Variants in STXBP2 observed in about 807,000 individuals in gnomAD.
The protein encoded by STXBP2 is syntaxin binding protein 2.
Under a neutral mutation model 72.2 loss-of-function variants are expected in STXBP2, and 47 were observed. That is an observed-to-expected ratio of 0.65 (90% CI 0.51 to 0.83). The LOEUF is 0.83. STXBP2 is among the 40% of genes least tolerant of loss of function. The pLI, the probability that STXBP2 is intolerant of heterozygous loss-of-function variation, is 0.00. For missense variants in STXBP2, 702 were observed against 807.6 expected, an observed-to-expected ratio of 0.87 and a Z score of 1.58; for synonymous variants, 367 against 338.7, an observed-to-expected ratio of 1.08 and a Z score of -0.92.
rs3786614 is a variant in STXBP2, at chr19:7,645,968, T to C, written c.1357-281T>C. ...TCTCTTGTCTCTCTCTTTGCCTTCA[T>C]ACTTTGTCTCACTGCTTCTTATCTC... On this transcript the variant is annotated intron_variant, in intron 15 of 18. Coordinates refer to ENST00000221283, the MANE Select transcript of STXBP2 (RefSeq NM_006949.4). 0.074 allele frequency: 40,461 copies of C among 544,870 alleles called. 5,584 individuals carry two copies. The highest frequency in any genetic ancestry group is 0.49 in the East Asian group (15,452 of 31,778). 33.8% of individuals were successfully genotyped at this position (544,870 alleles called of 1,614,324 possible).
intron 4 of STXBP2, chr19:7,640,349 T>C (rs2031790119): frequency 1.5e-5 from 8 of 538,620 alleles, no homozygotes; most frequent in African/African-American, 2.9e-5. Flanking sequence ...TGTGTATGCG[T>C]CTGTGCATGT....
the STXBP2 span, chr19:7,630,624 G>A: frequency 1.3e-6 from 2 of 1,537,206 alleles, no homozygotes; most frequent in Non-Finnish European, 1.7e-6. Context: ...TTCCAATCAG[G>A]CCGAGTGGTT....
intron 4 of STXBP2, chr19:7,640,054 GTGTA>G (rs1446322120): frequency 3.0e-5 from 19 of 640,492 alleles, no homozygotes; most frequent in Non-Finnish European, 4.0e-5. Flanking sequence ...GTGCATTTGT[GTGTA>G]TGTGTGTATG....
At chr19:7,646,122 G>T (rs116682189) in intron 15 of STXBP2, 127 bp from the exon 16 acceptor site, 6 of 714,068 alleles carry the variant, frequency 8.4e-6, no homozygotes, top group South Asian at 8.3e-5. Context: ...GCTCTCTCTC[G>T]CTCTCTGTTC....
chr19:7,631,352 C>G, the STXBP2 span: 2 of 1,369,760 alleles, frequency 1.5e-6, no homozygotes, highest in Admixed American at 3.1e-5. Context: ...AGTGAAGACA[C>G]TGAACCCTGA....
chr19:7,634,366 A>C (rs990599054), upstream of STXBP2, among the ~76,000 whole-genome samples: 1 of 152,166 alleles, frequency 6.6e-6, no homozygotes, highest in Admixed American at 6.5e-5. Context: ...AATGGGCTGC[A>C]CTATCACCAC....
At chr19:7,630,495 G>A in the STXBP2 span, 1 of 1,194,328 alleles carries the variant, frequency 8.4e-7, no homozygotes, top group East Asian at 2.5e-5. Flanking sequence ...TCTGCAGTAG[G>A]ATGGGTCCCC....
chr19:7,643,845 T>TGG (rs2032005363), intron 13 of STXBP2, among the ~76,000 whole-genome samples: 4 of 119,358 alleles, frequency 3.4e-5, no homozygotes, highest in African/African-American at 6.6e-5. Flanking sequence ...GGTGGAGCCT[T>TGG]AAGAGAGGTG....
rs748808124 is a variant in STXBP2 at position 7,640,934 on chromosome 19, C to G, written c.360C>G (p.Arg120=). Residue 120 remains arginine (R), a synonymous_variant, in exon 6 of 19, where the codon CGC becomes CGG. Coordinates refer to ENST00000221283, the MANE Select transcript of STXBP2 (RefSeq NM_006949.4). ...CPEPLFSELG[R]SRLAKVVKTL... ...AGCCCCTGTTCAGTGAGCTAGGCCG[C>G]TCTCGTCTGGCAAAGGTGGTGAAGA... 1.2e-6 allele frequency: 2 copies of G among 1,614,232 alleles called. No homozygotes were observed. Among genetic ancestry groups the G allele is most frequent in the Non-Finnish European group, 1.7e-6 (2 of 1,180,030 alleles).
upstream of STXBP2, among the ~76,000 whole-genome samples, chr19:7,635,145 T>TC (rs937006305): frequency 6.6e-6 from 1 of 152,152 alleles, no homozygotes; most frequent in South Asian, 2.1e-4. Context: ...CAGCTCTCTG[T>TC]CCCCCCAAGG....
the STXBP2 span, chr19:7,631,399 C>CGGGGGGGGGGGGTGGGGGGGGG: frequency 1.7e-6 from 1 of 583,160 alleles, no homozygotes; most frequent in Non-Finnish European, 2.4e-6. Flanking sequence ...GAGAGGTGGG[C>CGGGGGGGGGGGGTGGGGGGGGG]GGGGGGGGGT....
chr19:7,640,831 T>C, intron 5 of STXBP2, 22 bp downstream of exon 5: 1 of 1,613,760 alleles, frequency 6.2e-7, no homozygotes, highest in Non-Finnish European at 8.5e-7. Context: ...GAGCCTAGGG[T>C]GTTGGTGGGT....
rs752730714 is a variant in STXBP2 at position 7,643,200 on chromosome 19, G to A, written c.1062G>A (p.Met354Ile). The A allele has an allele frequency of 1.2e-6, 2 of 1,614,108 alleles. No homozygotes were observed. The highest frequency in any genetic ancestry group is 2.2e-5 in the East Asian group (1 of 44,880). The change falls in exon 13 of 19, where the codon ATG becomes ATA. Residue 354 changes from methionine to isoleucine, a missense_variant. By Grantham distance (10) the Met-to-Ile change is conservative (BLOSUM62 1). Transcript: ENST00000221283. ...STHLHLADDC[M>I]KHFKGSVEKL... ...ACCTGCATCTAGCAGATGATTGTATGAAGCACTTCAAGGGCTCGGTGGAGA... is the reference window on the plus strand; with the variant it reads ...ACCTGCATCTAGCAGATGATTGTATAAAGCACTTCAAGGGCTCGGTGGAGA...
rs747556765 is a variant in STXBP2, at chr19:7,638,767, GA to G, written c.80del (p.Glu27GlyfsTer51). On this transcript the variant is annotated frameshift_variant, in exon 2 of 19. Coordinates refer to ENST00000221283, the MANE Select transcript of STXBP2 (RefSeq NM_006949.4). LOFTEE classifies it high-confidence loss of function. ...GVIRSVKKDG[E>X]WKVLIMDHPS... ...TATTCGGAGTGTCAAGAAGGATGGG[GA>G]GTGGAAGGTAGGGGTGAGGCAGATG... The G allele has an allele frequency of 3.2e-5, 51 of 1,614,190 alleles. No homozygotes were observed. Among genetic ancestry groups the G allele is most frequent in the Non-Finnish European group, 4.2e-5 (50 of 1,180,036 alleles).
rs1366015982 is a variant in STXBP2, at chr19:7,642,392, G to A, written c.795-37G>A. 6.2e-7 allele frequency: 1 copy of A among 1,613,570 alleles called. No homozygotes were observed. The highest frequency in any genetic ancestry group is 1.3e-5 in the African/African-American group (1 of 75,040). On this transcript the variant is annotated intron_variant, in intron 9 of 18. Transcript: ENST00000221283. This position sits in a 1 kb window ranked among gnomAD's most constrained non-coding sequence, Gnocchi z 6.0. Reference sequence around the variant, plus strand: ...CACTGACCTGGTTCCCCAGTCCTCAGCTCCCCTGACCCCCAGGCTCCCTCC... The same window carrying A: ...CACTGACCTGGTTCCCCAGTCCTCAACTCCCCTGACCCCCAGGCTCCCTCC...
chr19:7,645,797 C>G (rs1195060926), intron 15 of STXBP2, among the ~76,000 whole-genome samples: 1 of 151,580 alleles, frequency 6.6e-6, no homozygotes, highest in Non-Finnish European at 1.5e-5. Context: ...CCCCATCCCT[C>G]ATCCATCTCG....
At chr19:7,646,809 G>T (rs1020235931) in intron 16 of STXBP2, 3 of 432,800 alleles carry the variant, frequency 6.9e-6, no homozygotes, top group African/African-American at 6.0e-5. Context: ...CTGGGGCTCT[G>T]AGGGGCTGAG....
At chr19:7,644,293 A>T (rs1178488327) in intron 13 of STXBP2, 1 of 348,898 alleles carries the variant, frequency 2.9e-6, no homozygotes, top group African/African-American at 2.6e-5. Flanking sequence ...AGCCTCGGAG[A>T]GCTGGGACCT....
In STXBP2 at chr19:7,642,275, G is replaced by T; in HGVS notation, c.736G>T (p.Glu246Ter). The change falls in exon 9 of 19, where the codon GAG becomes TAG. Residue 246 changes from glutamate (E) to a stop codon, truncating the protein, a stop_gained. Transcript: ENST00000221283. LOFTEE classifies it high-confidence loss of function. The surrounding 1 kb of genome is among the most constrained non-coding windows in gnomAD (Gnocchi z 6.0). ...TGACCCCGTGTCCCCACTACTGCATGAGCTCACGTTCCAGGCCATGGCGTA... is the reference window on the plus strand; with the variant it reads ...TGACCCCGTGTCCCCACTACTGCATTAGCTCACGTTCCAGGCCATGGCGTA... The part of the protein sequence containing the change: ...AADPVSPLLH[E>*]LTFQAMAYDL... 1 of 1,614,128 alleles carries T rather than the reference G, an allele frequency of 6.2e-7. No individual in the cohort carries two copies. The highest frequency in any genetic ancestry group is 2.2e-5 in the East Asian group (1 of 44,872).
Sources: allele counts gnomAD v4.1 joint callset (sites outside exome capture counted in the v4.1 genomes callset), GRCh38; gene constraint gnomAD v4.1.1; non-coding constraint Gnocchi (gnomAD v3.1); transcripts MANE v1.5; gene names NCBI Gene and HGNC (gene_info 2026-07-23, HGNC 2026-07-21).